Variants in SYT9 observed in about 807,000 individuals in gnomAD.
SYT9 encodes the protein synaptotagmin 9.
Under a neutral mutation model 48.4 loss-of-function variants are expected in SYT9, and 22 were observed. The observed-to-expected ratio is 0.45, with a 90% confidence interval of 0.32 to 0.65. The LOEUF (loss-of-function observed/expected upper bound fraction) is 0.65. Ranked by LOEUF, SYT9 falls within the 30% of genes least tolerant of loss-of-function variation. SYT9 has a pLI of 0.03. For missense variants in SYT9, 577 were observed against 622.0 expected (o/e 0.93, Z 0.77); for synonymous variants, 265 against 245.0 (o/e 1.08, Z -0.76).
At position 7,407,382 on chromosome 11, in the gene SYT9, T is replaced by TACATGAGAAGCCATAGGTATCCAG. The variant is rs1325154049; in HGVS notation, c.1045-8660_1045-8659insACATGAGAAGCCATAGGTATCCAG. On this transcript the variant is annotated intron_variant, in intron 3 of 6. Transcript: ENST00000318881. ...ATAATTTTTTTTTTTTTTTTTTTTT[T>TACATGAGAAGCCATAGGTATCCAG]TTTTTTTTTGAGACGGAGTCTCGCT... Among the ~76,000 whole-genome samples, 114 of 69,484 alleles carry TACATGAGAAGCCATAGGTATCCAG rather than the reference T, an allele frequency of 1.6e-3. 3 individuals carry two copies. The highest frequency in any genetic ancestry group is 3.1e-3 in the African/African-American group (20 of 6,368). The allele number at this position is 69,484 out of a possible 152,430, so 45.6% of individuals were successfully genotyped here.
chr11:7,361,539 T>A (rs1218386483), intron 3 of SYT9, among the ~76,000 whole-genome samples: 1 of 152,202 alleles, frequency 6.6e-6, no homozygotes, highest in East Asian at 1.9e-4. Context: ...GTTCCCTAGA[T>A]CAAACCCTTT....
chr11:7,330,608 A>G (rs1849510870), intron 3 of SYT9, among the ~76,000 whole-genome samples: 1 of 152,234 alleles, frequency 6.6e-6, no homozygotes. Flanking sequence ...TATAGAATAG[A>G]TAAGAATAAT....
At chr11:7,414,783 G>A (rs1207331463) in intron 3 of SYT9, among the ~76,000 whole-genome samples, 1 of 152,188 alleles carries the variant, frequency 6.6e-6, no homozygotes, top group Admixed American at 6.5e-5. Context: ...GAGGTTGGGC[G>A]AGGTGACCTT....
intron 2 of SYT9, 34 bp from the exon 3 acceptor site, chr11:7,313,361 T>C: frequency 6.4e-7 from 1 of 1,566,578 alleles, no homozygotes; most frequent in Non-Finnish European, 8.6e-7. Flanking sequence ...GCTAATAAGG[T>C]TATAACTTTG....
At chr11:7,352,915 A>G (rs1043010465) in intron 3 of SYT9, among the ~76,000 whole-genome samples, 1 of 152,080 alleles carries the variant, frequency 6.6e-6, no homozygotes, top group Non-Finnish European at 1.5e-5. Context: ...AAATAGTAGG[A>G]CTTCTATTTA....
intron 6 of SYT9, among the ~76,000 whole-genome samples, chr11:7,459,485 A>T (rs889440635): frequency 3.3e-5 from 5 of 152,222 alleles, no homozygotes; most frequent in Non-Finnish European, 7.3e-5. Flanking sequence ...CAAGAAAGAA[A>T]TTGTTTCCAG....
intron 3 of SYT9, among the ~76,000 whole-genome samples, chr11:7,403,638 T>C (rs1338457881): frequency 6.6e-6 from 1 of 152,222 alleles, no homozygotes; most frequent in African/African-American, 2.4e-5. Flanking sequence ...CTTTTCATTA[T>C]TTATTTCTAA....
At position 7,424,441 on chromosome 11, in the gene SYT9, C is replaced by T. The variant is rs367637424; in HGVS notation, c.1467+3806C>T. On this transcript the variant is annotated intron_variant, in intron 6 of 6. Transcript: ENST00000318881. ...CCACCAATTCAAGAGAAGATGGTTT[C>T]GGCCTGGCCATATCACAACACCTTT... Among the ~76,000 whole-genome samples the T allele has an allele frequency of 1.1e-4, 16 of 152,264 alleles. No individual in the cohort carries two copies. The South Asian group carries it at 1.7e-3, about 16-fold the overall frequency.
upstream of SYT9, among the ~76,000 whole-genome samples, chr11:7,247,636 T>C (rs551533334): frequency 1.4e-5 from 2 of 146,394 alleles, no homozygotes; most frequent in South Asian, 4.2e-4. Flanking sequence ...TACGTGTATA[T>C]ATACGTGATA....
At chr11:7,307,516 T>C (rs961727323) in intron 2 of SYT9, among the ~76,000 whole-genome samples, 3 of 152,198 alleles carry the variant, frequency 2.0e-5, no homozygotes, top group Non-Finnish European at 2.9e-5. Context: ...CTATATTTAC[T>C]CTAGACACAG....
intron 3 of SYT9, among the ~76,000 whole-genome samples, chr11:7,392,162 T>TA (rs2134062157): frequency 6.6e-6 from 1 of 152,308 alleles, no homozygotes; most frequent in South Asian, 2.1e-4. Context: ...TTTGAGGACT[T>TA]AGTCATACAT....
chr11:7,439,918 G>A lies in SYT9; in HGVS notation c.1467+19283G>A, dbSNP rs955196346. ...TTATGACATGGCCTGGCACCCCAAG[G>A]TGGGTTGGGTCAATTAGATTATGCC... On this transcript the variant is annotated intron_variant, in intron 6 of 6. Transcript: ENST00000318881. 3 of 152,338 alleles carry A rather than the reference G, an allele frequency of 2.0e-5. No individual in the cohort carries two copies. The East Asian group carries it at 5.8e-4, about 29-fold the overall frequency. The allele number at this position is 152,338 out of a possible 1,614,324, so 9.4% of individuals were successfully genotyped here. A position where few individuals can be genotyped will look rare whatever the true frequency, so the allele number is the denominator to read the frequency against.
chr11:7,291,513 A>T (rs914297045), intron 1 of SYT9, among the ~76,000 whole-genome samples: 10 of 152,208 alleles, frequency 6.6e-5, no homozygotes, highest in African/African-American at 2.4e-4. Context: ...CACACAAAAT[A>T]CATTGGCCCA....
At chr11:7,338,431 T>A (rs777296937) in intron 3 of SYT9, among the ~76,000 whole-genome samples, 3 of 152,204 alleles carry the variant, frequency 2.0e-5, no homozygotes, top group Non-Finnish European at 2.9e-5. Flanking sequence ...TTCTTTTAGT[T>A]GTGATGTTGG....
chr11:7,334,657 T>TCCCCGCCACCCATCCCCCCAATC (rs1411852271), intron 3 of SYT9, among the ~76,000 whole-genome samples: 1 of 144,446 alleles, frequency 6.9e-6, no homozygotes, highest in Admixed American at 6.9e-5. Context: ...ATCCCCCCAA[T>TCCCCGCCACCCATCCCCCCAATC]CCCCAGGCAG....
At position 7,252,371 on chromosome 11, in the gene SYT9, C is replaced by T. The variant is rs917428000; in HGVS notation, c.145+40C>T. 93 of 1,401,750 alleles carry T rather than the reference C, an allele frequency of 6.6e-5. No individual in the cohort carries two copies. The highest frequency in any genetic ancestry group is 7.8e-5 in the Non-Finnish European group (84 of 1,076,198). The allele number at this position is 1,401,750 out of a possible 1,614,324, so 86.8% of individuals were successfully genotyped here. ...CGCCGCCTGGAGGGACCTAAGGGCCCTGGGCTGGGACTTGGGGCCGCACCG... is the reference window on the plus strand; with the variant it reads ...CGCCGCCTGGAGGGACCTAAGGGCCTTGGGCTGGGACTTGGGGCCGCACCG... On this transcript the variant is annotated intron_variant, in intron 1 of 6. Transcript: ENST00000318881. This position sits in a 1 kb window ranked among gnomAD's most constrained non-coding sequence, Gnocchi z 6.3.
At chr11:7,253,031 T>TTTCA (rs1847903851) in intron 1 of SYT9, among the ~76,000 whole-genome samples, 1 of 152,226 alleles carries the variant, frequency 6.6e-6, no homozygotes, top group Non-Finnish European at 1.5e-5. Flanking sequence ...CTGTAGTTAC[T>TTTCA]CCTAGTGAAA....
chr11:7,380,939 A>T (rs181612414), intron 3 of SYT9, among the ~76,000 whole-genome samples: 27 of 152,296 alleles, frequency 1.8e-4, no homozygotes, highest in African/African-American at 6.3e-4. Flanking sequence ...ATCTGTCAGA[A>T]TCTTTATGGA....
chr11:7,404,010 A>T (rs1272760042), intron 3 of SYT9, among the ~76,000 whole-genome samples: 1 of 152,200 alleles, frequency 6.6e-6, no homozygotes, highest in Non-Finnish European at 1.5e-5. Context: ...GGCCTTTATC[A>T]TAATGTAATA....
Sources: gnomAD v4.1 joint callset for allele counts (sites outside exome capture counted in the v4.1 genomes callset) on GRCh38, gnomAD v4.1.1 for gene constraint, Gnocchi (gnomAD v3.1) non-coding constraint, MANE v1.5 for transcripts, NCBI Gene and HGNC (gene_info 2026-07-23, HGNC 2026-07-21) for gene names.